Variants in IL1RAPL1 observed in about 807,000 individuals in gnomAD.
The protein encoded by IL1RAPL1 is interleukin 1 receptor accessory protein like 1.
IL1RAPL1 carries 3 observed loss-of-function variants against 48.4 expected under a neutral mutation model. The ratio of observed to expected loss-of-function variants is 0.06; its 90% CI spans 0.03 to 0.16. The LOEUF is 0.16. Ranked by LOEUF, IL1RAPL1 falls within the 10% of genes least tolerant of loss-of-function variation. The probability of loss-of-function intolerance (pLI) is 1.00; values close to 1 mark genes in which losing one functional copy is unlikely to be tolerated. For synonymous variants in IL1RAPL1, 185 were observed against 187.7 expected (o/e 0.99, Z 0.12); for missense variants, 349 against 530.6 (o/e 0.66, Z 3.36).
chrX:28,770,368 G>T (rs747020045), intron 1 of IL1RAPL1, among the ~76,000 whole-genome samples: 3 of 111,612 alleles, frequency 2.7e-5, no homozygotes, highest in African/African-American at 9.7e-5. Flanking sequence ...TCAAGCTCAA[G>T]CTTCATCAGT....
chrX:29,915,743 T>TTTTA lies in IL1RAPL1; in HGVS notation c.779-1717_779-1714dup, dbSNP rs1379843777. 4.0e-5 allele frequency among the ~76,000 whole-genome samples: 4 copies of TTTTA among 99,503 alleles called. No individual in the cohort carries two copies. In the East Asian group the frequency reaches 1.2e-3, roughly 30 times the overall value. 86.4% of individuals were successfully genotyped at this position (99,503 alleles called of 115,157 possible). A position where few individuals can be genotyped will look rare whatever the true frequency, so the allele number is the denominator to read the frequency against. ...TTTTTTTTTTTTTTTTGCATTTAAT[T>TTTTA]TTTATTTTTATTATTTTTATTATAC... On this transcript the variant is annotated intron_variant, in intron 6 of 10. Coordinates refer to ENST00000378993, the MANE Select transcript of IL1RAPL1 (RefSeq NM_014271.4).
chrX:29,668,463 A>G lies in IL1RAPL1; in HGVS notation c.737A>G (p.Tyr246Cys), dbSNP rs1445615773. 1 of 1,209,775 alleles carries G rather than the reference A, an allele frequency of 8.3e-7. No homozygotes were observed. The highest frequency in any genetic ancestry group is 2.2e-5 in the Admixed American group (1 of 45,961). The change falls in exon 6 of 11, where the codon TAT becomes TGT. Residue 246 changes from tyrosine (Y) to cysteine (C), a missense_variant. This residue lies in a region of IL1RAPL1 where 238 missense variants were observed against 337.8 expected (regional missense o/e 0.70). Coordinates refer to ENST00000378993, the MANE Select transcript of IL1RAPL1 (RefSeq NM_014271.4). ...PLTDKPPKLLYPMESKLTIQE... is the reference protein window; with the variant it reads ...PLTDKPPKLLCPMESKLTIQE... ...ACTGATAAGCCACCCAAGCTTTTGTATCCTATGGAAAGTAAACTGACAATT... is the reference window on the plus strand; with the variant it reads ...ACTGATAAGCCACCCAAGCTTTTGTGTCCTATGGAAAGTAAACTGACAATT...
intron 1 of IL1RAPL1, among the ~76,000 whole-genome samples, chrX:28,641,248 C>T (rs918226940): frequency 6.4e-5 from 7 of 109,230 alleles, no homozygotes; most frequent in Non-Finnish European, 1.3e-4. Flanking sequence ...CAGTGTGTGA[C>T]GTTCCCCTCC....
At chrX:29,252,602 T>A (rs1354875411) in intron 2 of IL1RAPL1, among the ~76,000 whole-genome samples, 1 of 113,490 alleles carries the variant, frequency 8.8e-6, no homozygotes, top group Admixed American at 9.3e-5. Context: ...ATTAAATAAA[T>A]TTCCACACTT....
chrX:29,885,372 G>C (rs1373010365), intron 6 of IL1RAPL1, among the ~76,000 whole-genome samples: 1 of 111,715 alleles, frequency 9.0e-6, no homozygotes, highest in Non-Finnish European at 1.9e-5. Flanking sequence ...TTGTCTGTCT[G>C]TCTACCCCTT....
Position 28,922,738 on chromosome X carries a change from C to A in IL1RAPL1, c.82+133313C>A, listed in dbSNP as rs192795873. Among the ~76,000 whole-genome samples, 11 of 111,805 alleles carry A rather than the reference C, an allele frequency of 9.8e-5. No individual in the cohort carries two copies. The East Asian group carries it at 3.1e-3, about 31-fold the overall frequency. On this transcript the variant is annotated intron_variant, in intron 2 of 10. Coordinates refer to ENST00000378993, the MANE Select transcript of IL1RAPL1 (RefSeq NM_014271.4). ...CAAATATCAAAGAATTAATTAAAAT[C>A]TTTTCTTGAATGACAAAATTGACAT...
chrX:28,716,360 G>A (rs1028139846), intron 1 of IL1RAPL1, among the ~76,000 whole-genome samples: 2 of 110,868 alleles, frequency 1.8e-5, no homozygotes, highest in Non-Finnish European at 1.9e-5. Context: ...GAAATAAAGA[G>A]TATTCAAATA....
chrX:29,081,020 CTTTCT>C (rs60180938), intron 2 of IL1RAPL1, among the ~76,000 whole-genome samples: 880 of 41,606 alleles, frequency 0.021, 26 homozygotes, highest in East Asian at 0.03. Context: ...CTCTCTCTCT[CTTTCT>C]TTTCTTTTCT....
intron 6 of IL1RAPL1, among the ~76,000 whole-genome samples, chrX:29,803,346 T>G (rs753477706): frequency 2.5e-5 from 2 of 80,313 alleles, no homozygotes; most frequent in Non-Finnish European, 4.7e-5. Flanking sequence ...CATATGTATA[T>G]ATGTATACAT....
At chrX:29,020,056 G>C (rs1399677278) in intron 2 of IL1RAPL1, among the ~76,000 whole-genome samples, 1 of 112,618 alleles carries the variant, frequency 8.9e-6, no homozygotes, top group African/African-American at 3.2e-5. Flanking sequence ...AGCAGTATTT[G>C]AAAGCTCACA....
At chrX:29,781,173 A>G (rs1929327922) in intron 6 of IL1RAPL1, among the ~76,000 whole-genome samples, 2 of 112,277 alleles carry the variant, frequency 1.8e-5, no homozygotes, top group African/African-American at 3.2e-5. Context: ...TTTTAACAGC[A>G]TACGCATTCC....
intron 1 of IL1RAPL1, among the ~76,000 whole-genome samples, chrX:28,598,627 G>A (rs1192534288): frequency 1.1e-5 from 1 of 87,158 alleles, no homozygotes; most frequent in Non-Finnish European, 2.3e-5. Context: ...AAATTTGTAG[G>A]TTTTTTTTTT....
At chrX:29,472,129 A>G (rs1934928095) in intron 5 of IL1RAPL1, among the ~76,000 whole-genome samples, 1 of 111,906 alleles carries the variant, frequency 8.9e-6, no homozygotes, top group African/African-American at 3.3e-5. Context: ...TGGTGTCACC[A>G]GTGATGGCTA....
chrX:29,046,653 G>A (rs1286564361), intron 2 of IL1RAPL1, among the ~76,000 whole-genome samples: 1 of 111,698 alleles, frequency 9.0e-6, no homozygotes, highest in Non-Finnish European at 1.9e-5. Flanking sequence ...CCTACCTCCA[G>A]TTCCAGAATC....
At position 29,613,191 on chromosome X, in the gene IL1RAPL1, A is replaced by G. The variant is rs150083532; in HGVS notation, c.704-55239A>G. Among the ~76,000 whole-genome samples, 43 of 112,611 alleles carry G rather than the reference A, an allele frequency of 3.8e-4. 1 individual carries two copies. Among genetic ancestry groups the G allele is most frequent in the African/African-American group, 1.3e-3 (41 of 31,044 alleles). On this transcript the variant is annotated intron_variant, in intron 5 of 10. Coordinates refer to ENST00000378993, the MANE Select transcript of IL1RAPL1 (RefSeq NM_014271.4). ...AAATCACGTACTAAGAAACAGGTGA[A>G]ATTAATTTTAATAGTATATTTAGTT...
chrX:29,774,510 G>C lies in IL1RAPL1; in HGVS notation c.778+106006G>C, dbSNP rs779405476. ...ACTTTAAAATATACACGAATATCAT[G>C]TTAACGTATCAATTGCCCTACTTCT... On this transcript the variant is annotated intron_variant, in intron 6 of 10. Transcript: ENST00000378993. 1.1e-3 allele frequency among the ~76,000 whole-genome samples: 126 copies of C among 112,171 alleles called. 7 individuals carry two copies. Among genetic ancestry groups the C allele is most frequent in the Non-Finnish European group, 3.9e-4 (21 of 53,198 alleles).
intron 6 of IL1RAPL1, among the ~76,000 whole-genome samples, chrX:29,672,317 C>T (rs1461694709): frequency 1.8e-5 from 2 of 111,282 alleles, no homozygotes; most frequent in Non-Finnish European, 3.8e-5. Context: ...GTATAAACTC[C>T]CACCAGAAGT....
chrX:28,843,858 A>C (rs1361380101), intron 2 of IL1RAPL1, among the ~76,000 whole-genome samples: 1 of 111,209 alleles, frequency 9.0e-6, no homozygotes, highest in East Asian at 2.9e-4. Flanking sequence ...GGCATGCCTT[A>C]TTTGAGTTTC....
In IL1RAPL1 at chrX:28,824,041, T is replaced by C. The variant is rs1936965915; in HGVS notation, c.82+34616T>C. On this transcript the variant is annotated intron_variant, in intron 2 of 10. Transcript: ENST00000378993. Reference sequence around the variant, plus strand: ...CTGGTACCCTCTGCCTGTTTAAAAATGTAAATTGTTTTACAAAAGTATGCC... The same window carrying C: ...CTGGTACCCTCTGCCTGTTTAAAAACGTAAATTGTTTTACAAAAGTATGCC... Among the ~76,000 whole-genome samples the C allele has an allele frequency of 4.5e-5, 5 of 111,885 alleles. No homozygotes were observed. In the South Asian group the frequency reaches 1.1e-3, roughly 25 times the overall value.
Sources: allele counts gnomAD v4.1 joint callset (sites outside exome capture counted in the v4.1 genomes callset), GRCh38; gene constraint gnomAD v4.1.1; regional missense constraint gnomAD v4.1.1; transcripts MANE v1.5; gene names NCBI Gene and HGNC (gene_info 2026-07-23, HGNC 2026-07-21).